Variants in EYA2 observed in about 807,000 individuals in gnomAD.
EYA2 encodes EYA transcriptional coactivator and phosphatase 2, also known as protein phosphatase EYA2.
In EYA2, 31 loss-of-function variants were observed where a neutral mutation model predicts 69.2. The observed-to-expected ratio is 0.45, with a 90% CI of 0.34 to 0.60. The LOEUF (loss-of-function observed/expected upper bound fraction) is 0.60, where lower values mean the gene tolerates loss of function less well. Ranked by LOEUF, EYA2 falls within the 20% of genes least tolerant of loss-of-function variation. The pLI, the probability that EYA2 is intolerant of heterozygous loss-of-function variation, is 0.02. For missense variants in EYA2, 622 were observed against 701.2 expected, an observed-to-expected ratio of 0.89 and a Z score of 1.28; for synonymous variants, 257 against 279.4, an observed-to-expected ratio of 0.92 and a Z score of 0.80.
At chr20:47,115,052 C>G (rs1444185015) in intron 9 of EYA2, among the ~76,000 whole-genome samples, 1 of 152,210 alleles carries the variant, frequency 6.6e-6, no homozygotes, top group African/African-American at 2.4e-5. Context: ...TTCTTTATAG[C>G]AATGCAAGAA....
Position 47,080,834 on chromosome 20 carries a change from G to A in EYA2, c.661+6499G>A, listed in dbSNP as rs190826401. ...CTTTCTTAAAACCATCAGATCTTGC[G>A]AGACTCGTTCACTATCACAAGAACA... On this transcript the variant is annotated intron_variant, in intron 7 of 15. Coordinates refer to ENST00000327619, the MANE Select transcript of EYA2 (RefSeq NM_005244.5). 6.6e-5 allele frequency among the ~76,000 whole-genome samples: 10 copies of A among 152,246 alleles called. No individual in the cohort carries two copies. In the East Asian group the frequency reaches 1.5e-3, roughly 24 times the overall value.
At chr20:47,108,490 A>G (rs2032654927) in intron 9 of EYA2, among the ~76,000 whole-genome samples, 1 of 152,188 alleles carries the variant, frequency 6.6e-6, no homozygotes, top group Non-Finnish European at 1.5e-5. Flanking sequence ...TTCTTTATCA[A>G]TTCCCTAGCC....
chr20:47,147,754 G>A (rs2033732007), intron 10 of EYA2, among the ~76,000 whole-genome samples: 1 of 152,124 alleles, frequency 6.6e-6, no homozygotes, highest in African/African-American at 2.4e-5. Context: ...GAATCTGTGG[G>A]GTTTAAAGAA....
chr20:47,038,128 A>G (rs1008834722), intron 5 of EYA2, among the ~76,000 whole-genome samples: 3 of 152,150 alleles, frequency 2.0e-5, no homozygotes, highest in Admixed American at 6.5e-5. Flanking sequence ...TGATGGATTC[A>G]TGTAGAAAAA....
At chr20:47,146,580 A>G (rs2033705147) in intron 10 of EYA2, among the ~76,000 whole-genome samples, 1 of 152,246 alleles carries the variant, frequency 6.6e-6, no homozygotes, top group African/African-American at 2.4e-5. Context: ...AAACCACGTT[A>G]TACGATGATG....
At chr20:47,113,856 G>GGT in intron 9 of EYA2, among the ~76,000 whole-genome samples, 1 of 147,720 alleles carries the variant, frequency 6.8e-6, no homozygotes, top group South Asian at 2.2e-4. Flanking sequence ...TCCTAGATGG[G>GGT]TTTTTTTTTT....
chr20:47,122,443 G>A (rs917152264), intron 9 of EYA2, among the ~76,000 whole-genome samples: 3 of 151,698 alleles, frequency 2.0e-5, no homozygotes, highest in African/African-American at 4.8e-5. Flanking sequence ...ACAGGCACCC[G>A]CCACCGCACC....
intron 15 of EYA2, among the ~76,000 whole-genome samples, chr20:47,186,348 CTTTTTTTTTTTTTTT>C (rs765874138): frequency 2.8e-5 from 2 of 72,316 alleles, no homozygotes; most frequent in Non-Finnish European, 6.0e-5. Context: ...AGCACTTATT[CTTTTTTTTTTTTTTT>C]TTTTTTTTTT....
At chr20:47,119,943 C>A (rs916480829) in intron 9 of EYA2, among the ~76,000 whole-genome samples, 1 of 152,096 alleles carries the variant, frequency 6.6e-6, no homozygotes. Flanking sequence ...CACAGTGGCT[C>A]ATGCCTGTAA....
intron 1 of EYA2, among the ~76,000 whole-genome samples, chr20:46,962,163 G>C (rs980454095): frequency 1.3e-5 from 2 of 152,092 alleles, no homozygotes; most frequent in African/African-American, 4.8e-5. Flanking sequence ...TGAGTAGCTG[G>C]GACTATAGGC....
chr20:46,911,438 T>C (rs770148249), intron 1 of EYA2, among the ~76,000 whole-genome samples: 15 of 152,112 alleles, frequency 9.9e-5, no homozygotes, highest in Non-Finnish European at 1.9e-4. Flanking sequence ...GCATTGGCAG[T>C]AGAGGTTATG....
In EYA2 at chr20:47,016,167, C is replaced by G. The variant is rs1568725657; in HGVS notation, c.299-14C>G. 1.3e-6 allele frequency: 2 copies of G among 1,597,822 alleles called. No homozygotes were observed. Among genetic ancestry groups the G allele is most frequent in the South Asian group, 1.1e-5 (1 of 90,598 alleles). ...GTGTCCTTGGTCCTTTTTTTTCCCC[C>G]TCTTCCTTCAAAGGCATCAAGACAG... On this transcript the variant is annotated splice_polypyrimidine_tract_variant and intron_variant, in intron 4 of 15. Transcript: ENST00000327619.
At chr20:46,901,624 T>C (rs1389467174) in intron 1 of EYA2, 1 of 152,222 alleles carries the variant, frequency 6.6e-6, no homozygotes, top group East Asian at 1.9e-4. Flanking sequence ...ATATCAGGAC[T>C]TTTGTTTCAG....
At chr20:47,129,775 G>C (rs970540665) in intron 9 of EYA2, among the ~76,000 whole-genome samples, 1 of 152,196 alleles carries the variant, frequency 6.6e-6, no homozygotes, top group Admixed American at 6.5e-5. Flanking sequence ...AGGTGCCTTG[G>C]AAATAAGATA....
chr20:46,999,182 A>G (rs1309359458), intron 2 of EYA2, among the ~76,000 whole-genome samples: 1 of 152,244 alleles, frequency 6.6e-6, no homozygotes, highest in Non-Finnish European at 1.5e-5. Context: ...GAATATATAC[A>G]TATTTATGAA....
chr20:46,914,290 G>T (rs1386734845), intron 1 of EYA2, among the ~76,000 whole-genome samples: 1 of 152,172 alleles, frequency 6.6e-6, no homozygotes, highest in South Asian at 2.1e-4. Context: ...TGGCATAAAG[G>T]CTTTGATTTT....
rs539637891 is a variant in EYA2, at chr20:47,120,207, CAA to C, written c.889-22843_889-22842del. Among the ~76,000 whole-genome samples the C allele has an allele frequency of 5.7e-3, 849 of 148,248 alleles. 6 individuals are homozygous for C. Among genetic ancestry groups the C allele is most frequent in the Non-Finnish European group, 9.4e-3 (631 of 66,880 alleles). On this transcript the variant is annotated intron_variant, in intron 9 of 15. Transcript: ENST00000327619. Reference sequence around the variant, plus strand: ...TGGATGACAGAGCAAGACTCCGCCTCAAAAAAAAAATTAAATAAAATAGCCAG... The same window carrying C: ...TGGATGACAGAGCAAGACTCCGCCTCAAAAAAAATTAAATAAAATAGCCAG...
intron 9 of EYA2, among the ~76,000 whole-genome samples, chr20:47,128,529 GAA>G (rs559492759): frequency 7.0e-6 from 1 of 142,284 alleles, no homozygotes; most frequent in Admixed American, 7.0e-5. Flanking sequence ...AGGCATTTAC[GAA>G]AAAAAAAAAA....
At position 47,130,421 on chromosome 20, in the gene EYA2, C is replaced by T. The variant is rs187466796; in HGVS notation, c.889-12638C>T. Among the ~76,000 whole-genome samples the T allele has an allele frequency of 2.1e-3, 315 of 151,046 alleles. 1 individual carries two copies. Among genetic ancestry groups the T allele is most frequent in the South Asian group, 5.9e-3 (28 of 4,758 alleles). The stretch of plus-strand genomic sequence containing the variant: ...CTGGGACTACAGGCGCCCGCCATCA[C>T]GCCCCGCTAATTTTTTTGTATTTTT... On this transcript the variant is annotated intron_variant, in intron 9 of 15. Coordinates refer to ENST00000327619, the MANE Select transcript of EYA2 (RefSeq NM_005244.5).
Sources: gnomAD v4.1 joint callset for allele counts (sites outside exome capture counted in the v4.1 genomes callset) on GRCh38, gnomAD v4.1.1 for gene constraint, MANE v1.5 for transcripts, NCBI Gene and HGNC (gene_info 2026-07-23, HGNC 2026-07-21) for gene names.